KLHL4: variants seen among roughly 807,000 people sequenced by gnomAD.
KLHL4 encodes the protein kelch like family member 4.
KLHL4 carries 17 observed loss-of-function variants against 45.8 expected under a neutral mutation model. The observed-to-expected ratio is 0.37, with a 90% CI of 0.25 to 0.56. The LOEUF (loss-of-function observed/expected upper bound fraction) is 0.56, where lower values mean the gene tolerates loss of function less well. Among genes scored for constraint, KLHL4 ranks in the 20% least tolerant of loss-of-function variants. The pLI, the probability that KLHL4 is intolerant of heterozygous loss-of-function variation, is 0.79. For synonymous variants in KLHL4, 224 were observed against 189.9 expected, an observed-to-expected ratio of 1.18 and a Z score of -1.47; for missense variants, 544 against 544.9, an observed-to-expected ratio of 1.00 and a Z score of 0.02.
chrX:87,569,350 A>T (rs766647348), intron 1 of KLHL4, among the ~76,000 whole-genome samples: 17 of 111,553 alleles, frequency 1.5e-4, no homozygotes, highest in Non-Finnish European at 2.6e-4. Context: ...AGAAATGGGA[A>T]CCCTCAAGTA....
intron 1 of KLHL4, among the ~76,000 whole-genome samples, chrX:87,527,618 C>A (rs1178588716): frequency 9.1e-6 from 1 of 110,448 alleles, no homozygotes; most frequent in African/African-American, 3.3e-5. Flanking sequence ...GCTGTTCCAA[C>A]CCCCTGGAGA....
intron 1 of KLHL4, among the ~76,000 whole-genome samples, chrX:87,554,848 G>C (rs1196854286): frequency 9.9e-6 from 1 of 100,885 alleles, no homozygotes; most frequent in Non-Finnish European, 2.0e-5. Flanking sequence ...GATATTGGCT[G>C]TGGGTTTGTC....
intron 1 of KLHL4, among the ~76,000 whole-genome samples, chrX:87,531,293 G>T (rs1412334319): frequency 1.8e-5 from 2 of 110,657 alleles, no homozygotes; most frequent in Non-Finnish European, 3.8e-5. Context: ...TGTCAATTTT[G>T]TCTTTTGTTG....
intron 1 of KLHL4, among the ~76,000 whole-genome samples, chrX:87,527,825 A>C (rs1421681985): frequency 9.1e-6 from 1 of 110,221 alleles, no homozygotes; most frequent in Non-Finnish European, 1.9e-5. Flanking sequence ...AAAAAAAAAA[A>C]AAAACAATTG....
intron 9 of KLHL4, among the ~76,000 whole-genome samples, chrX:87,642,633 C>T (rs1388505227): frequency 9.0e-6 from 1 of 111,731 alleles, no homozygotes; most frequent in Non-Finnish European, 1.9e-5. Context: ...AAGCCCAATG[C>T]AAGGAAATCC....
At chrX:87,632,499 C>T in intron 7 of KLHL4, 65 bp downstream of exon 7, 2 of 744,072 alleles carry the variant, frequency 2.7e-6, no homozygotes, top group Non-Finnish European at 1.9e-6. Flanking sequence ...AAAATTAAAT[C>T]TAGCAGCACA....
chrX:87,551,306 A>T (rs1931811370), intron 1 of KLHL4, among the ~76,000 whole-genome samples: 2 of 110,774 alleles, frequency 1.8e-5, no homozygotes, highest in Admixed American at 1.9e-4. Flanking sequence ...TAACCAAAAG[A>T]CCTCTATGAA....
chrX:87,660,851 C>T, intron 9 of KLHL4, among the ~76,000 whole-genome samples: 1 of 111,394 alleles, frequency 9.0e-6, no homozygotes, highest in African/African-American at 3.3e-5. Flanking sequence ...CTTTAAAAAA[C>T]AAACAAACAA....
At chrX:87,561,262 AAGG>A (rs780838542) in intron 1 of KLHL4, among the ~76,000 whole-genome samples, 65 of 110,719 alleles carry the variant, frequency 5.9e-4, no homozygotes, top group Admixed American at 2.1e-3. Flanking sequence ...CATATCAAGA[AAGG>A]AGCCACTGAA....
intron 9 of KLHL4, among the ~76,000 whole-genome samples, chrX:87,646,476 A>G (rs1602462465): frequency 8.9e-6 from 1 of 111,893 alleles, no homozygotes; most frequent in Non-Finnish European, 1.9e-5. Context: ...GAGGCATTAC[A>G]TTACACAACT....
intron 9 of KLHL4, among the ~76,000 whole-genome samples, chrX:87,664,399 C>T (rs1248334141): frequency 2.7e-5 from 3 of 111,505 alleles, no homozygotes; most frequent in Non-Finnish European, 5.7e-5. Context: ...TGTATAACTT[C>T]GACAAATAAA....
At chrX:87,642,762 A>G (rs1436292546) in intron 9 of KLHL4, among the ~76,000 whole-genome samples, 1 of 112,481 alleles carries the variant, frequency 8.9e-6, no homozygotes, top group Non-Finnish European at 1.9e-5. Flanking sequence ...AATGCCCTGG[A>G]AAGTCTCAGA....
intron 4 of KLHL4, among the ~76,000 whole-genome samples, chrX:87,621,863 A>G (rs936015657): frequency 8.9e-6 from 1 of 111,814 alleles, no homozygotes; most frequent in African/African-American, 3.2e-5. Flanking sequence ...CTGAAGACCA[A>G]CCAGACAGTC....
At position 87,652,564 on chromosome X, in the gene KLHL4, A is replaced by T. The variant is rs111417186; in HGVS notation, c.1926-12200A>T. 8.5e-3 allele frequency among the ~76,000 whole-genome samples: 950 copies of T among 112,121 alleles called. 17 individuals carry two copies. The highest frequency in any genetic ancestry group is 0.029 in the African/African-American group (886 of 30,902). ...AAATGCTGCCAGTCTCTTTGCTAAA[A>T]CAAAACACGAGTCACCTTTGCTCCA... On this transcript the variant is annotated intron_variant, in intron 9 of 10. Transcript: ENST00000373119.
At position 87,669,445 on chromosome X, in the gene KLHL4, T is replaced by G. The variant is rs1021600498; in HGVS notation, c.*2911T>G. The G allele has an allele frequency of 1.7e-6, 2 of 1,191,653 alleles. No homozygotes were observed. Among genetic ancestry groups the G allele is most frequent in the African/African-American group, 3.5e-5 (2 of 56,382 alleles). On this transcript the variant is annotated 3_prime_UTR_variant, in exon 11 of 11. Coordinates refer to ENST00000373119, the MANE Select transcript of KLHL4 (RefSeq NM_019117.5). ...ATGACATTTATCAATCTGACTCAGG[T>G]GTGGCTGTTGCCCCTTTTTGATATG...
intron 9 of KLHL4, among the ~76,000 whole-genome samples, chrX:87,651,722 C>G (rs914130872): frequency 8.9e-6 from 1 of 112,142 alleles, no homozygotes; most frequent in Non-Finnish European, 1.9e-5. Context: ...AAGGGTACAG[C>G]CTCCCTCCCA....
chrX:87,535,845 G>A (rs1265793164), intron 1 of KLHL4, among the ~76,000 whole-genome samples: 1 of 110,398 alleles, frequency 9.1e-6, no homozygotes, highest in African/African-American at 3.3e-5. Flanking sequence ...ATGATAGTGA[G>A]TGAGTCCTTG....
intron 6 of KLHL4, among the ~76,000 whole-genome samples, chrX:87,630,886 A>G (rs756975123): frequency 8.9e-6 from 1 of 112,050 alleles, no homozygotes; most frequent in South Asian, 3.7e-4. Flanking sequence ...GGCCACAGAA[A>G]TCAAAGACAT....
At chrX:87,564,101 G>T (rs992133261) in intron 1 of KLHL4, among the ~76,000 whole-genome samples, 2 of 110,728 alleles carry the variant, frequency 1.8e-5, no homozygotes, top group East Asian at 5.8e-4. Context: ...ATTCATCCTG[G>T]GGTACAAAAG....
Sources: allele counts gnomAD v4.1 joint callset (sites outside exome capture counted in the v4.1 genomes callset), GRCh38; gene constraint gnomAD v4.1.1; transcripts MANE v1.5; gene names NCBI Gene and HGNC (gene_info 2026-07-23, HGNC 2026-07-21).